BRINP3: variants seen among roughly 807,000 people sequenced by gnomAD.
The protein encoded by BRINP3 is BMP/retinoic acid inducible neural specific 3.
In BRINP3, 19 loss-of-function variants were observed where a neutral mutation model predicts 71.0. That is an observed-to-expected ratio of 0.27 (90% confidence interval 0.19 to 0.39). The LOEUF (loss-of-function observed/expected upper bound fraction) is 0.39, where lower values mean the gene tolerates loss of function less well. Ranked by LOEUF, BRINP3 falls within the 10% of genes least tolerant of loss-of-function variation. The pLI, the probability that BRINP3 is intolerant of heterozygous loss-of-function variation, is 1.00. For missense variants in BRINP3, 959 were observed against 940.8 expected (o/e 1.02, Z -0.25); for synonymous variants, 380 against 337.7 (o/e 1.13, Z -1.37).
chr1:190,236,588 T>C (rs1486619257), intron 4 of BRINP3, among the ~76,000 whole-genome samples: 1 of 151,984 alleles, frequency 6.6e-6, no homozygotes, highest in Non-Finnish European at 1.5e-5. Context: ...TGGTTTATCA[T>C]GGGCAAAGAA....
chr1:190,314,874 C>A (rs1420638427), intron 2 of BRINP3, among the ~76,000 whole-genome samples: 1 of 152,098 alleles, frequency 6.6e-6, no homozygotes, highest in Admixed American at 6.6e-5. Context: ...GTGCAAGACC[C>A]AGAGCTGAGA....
rs371766501 is a variant in BRINP3 at position 190,393,087 on chromosome 1, T to C, written c.236+61568A>G. On this transcript the variant is annotated intron_variant, in intron 2 of 7. Transcript: ENST00000367462. ...TATAATATTAAGGGCATGTATCTAG[T>C]ACATTATTTCAATTTTGTTGTATTT... Among the ~76,000 whole-genome samples the C allele has an allele frequency of 1.1e-3, 161 of 151,740 alleles. 5 individuals are homozygous for C. In the South Asian group the frequency reaches 0.033, roughly 31 times the overall value.
intron 7 of BRINP3, among the ~76,000 whole-genome samples, chr1:190,115,565 G>T (rs908369438): frequency 6.6e-6 from 1 of 152,040 alleles, no homozygotes; most frequent in Admixed American, 6.6e-5. Context: ...ATGTGAAAAA[G>T]AAATGTCCAT....
chr1:190,305,682 A>G (rs1665045835), intron 2 of BRINP3, among the ~76,000 whole-genome samples: 1 of 151,776 alleles, frequency 6.6e-6, no homozygotes, highest in African/African-American at 2.4e-5. Flanking sequence ...TAGTAGGATG[A>G]CTAGTTAACA....
chr1:190,188,723 G>A (rs1460417052), intron 6 of BRINP3, among the ~76,000 whole-genome samples: 1 of 149,848 alleles, frequency 6.7e-6, no homozygotes, highest in East Asian at 1.9e-4. Flanking sequence ...GGTGAATGAT[G>A]ATCTTATTAA....
At chr1:190,171,009 G>GA (rs2102496015) in intron 6 of BRINP3, among the ~76,000 whole-genome samples, 1 of 152,212 alleles carries the variant, frequency 6.6e-6, no homozygotes, top group African/African-American at 2.4e-5. Context: ...AATGCCTGGA[G>GA]AAAAGTTGCT....
chr1:190,108,964 C>T (rs1184486609), intron 7 of BRINP3, among the ~76,000 whole-genome samples: 2 of 152,032 alleles, frequency 1.3e-5, no homozygotes, highest in African/African-American at 4.8e-5. Flanking sequence ...ACTTGAAGAG[C>T]TTCATCTGTT....
At chr1:190,360,418 G>A (rs1669064105) in intron 2 of BRINP3, among the ~76,000 whole-genome samples, 1 of 152,146 alleles carries the variant, frequency 6.6e-6, no homozygotes, top group South Asian at 2.1e-4. Flanking sequence ...ATTTGCCTAG[G>A]AAAATTGTTT....
chr1:190,222,429 A>G (rs1272530547), intron 6 of BRINP3, among the ~76,000 whole-genome samples: 1 of 152,096 alleles, frequency 6.6e-6, no homozygotes, highest in East Asian at 1.9e-4. Flanking sequence ...TGTTTATAGT[A>G]ATAAATGCCT....
In BRINP3 at chr1:190,098,058, G is replaced by T. The variant is rs1246896771; in HGVS notation, c.2261C>A (p.Pro754Gln). 6.2e-7 allele frequency: 1 copy of T among 1,613,564 alleles called. No homozygotes were observed. Among genetic ancestry groups the T allele is most frequent in the African/African-American group, 1.3e-5 (1 of 74,890 alleles). Residue 754 changes from proline (P) to glutamine (Q), a missense_variant, in exon 8 of 8, where the codon CCA (proline) becomes CAA (glutamine). Pro to Gln is a moderately conservative substitution (Grantham distance 76). Transcript: ENST00000367462. ...SALQAFNAKL[P>Q]NTMDYDTTKL... Reference sequence around the variant, plus strand: ...GGTCGTGTCATAATCCATTGTGTTTGGCAATTTGGCATTAAACGCCTGCAG... The same window carrying T: ...GGTCGTGTCATAATCCATTGTGTTTTGCAATTTGGCATTAAACGCCTGCAG...
chr1:190,179,068 A>C (rs1220903801), intron 6 of BRINP3, among the ~76,000 whole-genome samples: 3 of 152,172 alleles, frequency 2.0e-5, no homozygotes, highest in African/African-American at 7.2e-5. Context: ...TCTTTCCTTC[A>C]TAACTTTAAT....
intron 4 of BRINP3, among the ~76,000 whole-genome samples, chr1:190,245,605 TTTC>T (rs1390697088): frequency 6.6e-6 from 1 of 152,072 alleles, no homozygotes; most frequent in African/African-American, 2.4e-5. Flanking sequence ...GTGATTTTTT[TTTC>T]TTTTTTTATT....
intron 3 of BRINP3, among the ~76,000 whole-genome samples, chr1:190,279,989 C>A (rs1016878858): frequency 6.6e-6 from 1 of 151,700 alleles, no homozygotes; most frequent in Non-Finnish European, 1.5e-5. Flanking sequence ...GCAATTATAG[C>A]CATGGGGATG....
intron 7 of BRINP3, among the ~76,000 whole-genome samples, chr1:190,156,636 C>T (rs1387546223): frequency 1.3e-5 from 2 of 151,758 alleles, no homozygotes; most frequent in Non-Finnish European, 1.5e-5. Flanking sequence ...TATCAAACTT[C>T]AATAAACAAA....
intron 6 of BRINP3, among the ~76,000 whole-genome samples, chr1:190,166,515 C>T (rs914229357): frequency 2.6e-5 from 4 of 152,216 alleles, no homozygotes; most frequent in Middle Eastern, 3.4e-3. Context: ...CTTGCAACTA[C>T]GGAGGGATTG....
chr1:190,289,772 T>C (rs776017476), intron 2 of BRINP3, among the ~76,000 whole-genome samples: 1 of 151,950 alleles, frequency 6.6e-6, no homozygotes, highest in Non-Finnish European at 1.5e-5. Flanking sequence ...ACACTAACAA[T>C]ATGTGGGAAC....
chr1:190,243,761 G>A (rs1014585312), intron 4 of BRINP3, among the ~76,000 whole-genome samples: 1 of 151,968 alleles, frequency 6.6e-6, no homozygotes, highest in African/African-American at 2.4e-5. Flanking sequence ...ACTTTTCCTG[G>A]GCCAGAGAAA....
chr1:190,139,329 G>A (rs1189603497), intron 7 of BRINP3, among the ~76,000 whole-genome samples: 4 of 151,416 alleles, frequency 2.6e-5, no homozygotes, highest in Admixed American at 2.6e-4. Context: ...GCAGGTACCT[G>A]TAATCCCAGC....
At chr1:190,365,428 T>C (rs982425395) in intron 2 of BRINP3, among the ~76,000 whole-genome samples, 1 of 151,574 alleles carries the variant, frequency 6.6e-6, no homozygotes, top group African/African-American at 2.4e-5. Flanking sequence ...ATCCCAGCTG[T>C]CATCAAGCTT....
Sources: gnomAD v4.1 joint callset for allele counts (sites outside exome capture counted in the v4.1 genomes callset) on GRCh38, gnomAD v4.1.1 for gene constraint, MANE v1.5 for transcripts, NCBI Gene and HGNC (gene_info 2026-07-23, HGNC 2026-07-21) for gene names.